Variants in AZIN1 observed in about 807,000 individuals in gnomAD.
AZIN1 encodes antizyme inhibitor 1, also known as ornithine decarboxylase antizyme inhibitor.
In AZIN1, 12 loss-of-function variants were observed where a neutral mutation model predicts 47.4. The ratio of observed to expected loss-of-function variants is 0.25; its 90% CI spans 0.16 to 0.41. AZIN1 has a LOEUF of 0.41. AZIN1 is among the 10% of genes least tolerant of loss of function. The pLI is 1.00. For missense variants in AZIN1, 410 were observed against 532.4 expected (o/e 0.77, Z 2.26); for synonymous variants, 155 against 176.3 (o/e 0.88, Z 0.96).
intron 11 of AZIN1, 31 bp from the exon 12 acceptor site, chr8:102,828,709 A>T: frequency 6.8e-7 from 1 of 1,466,384 alleles, no homozygotes. Context: ...CTAAATTCTC[A>T]GTTTAAGCCC....
chr8:102,851,321 G>A (rs1166163143), intron 2 of AZIN1, among the ~76,000 whole-genome samples: 1 of 152,198 alleles, frequency 6.6e-6, no homozygotes, highest in Non-Finnish European at 1.5e-5. Flanking sequence ...AGAGCTCATT[G>A]CCTGCCTGTC....
intron 2 of AZIN1, among the ~76,000 whole-genome samples, chr8:102,847,541 T>C (rs906192534): frequency 6.6e-6 from 1 of 151,230 alleles, no homozygotes. Flanking sequence ...TCCCTGGAAG[T>C]GTATTGAAAA....
intron 1 of AZIN1, among the ~76,000 whole-genome samples, chr8:102,860,879 G>C (rs1323907999): frequency 6.6e-6 from 1 of 152,192 alleles, no homozygotes; most frequent in Non-Finnish European, 1.5e-5. Flanking sequence ...GGGGAGGGGA[G>C]TATTCTACCA....
intron 1 of AZIN1, chr8:102,858,944 T>C (rs1278218656): frequency 1.7e-4 from 26 of 152,208 alleles, no homozygotes; most frequent in Non-Finnish European, 2.9e-5. Flanking sequence ...TATAATTCAG[T>C]GGTTACTGTT....
At chr8:102,840,964 TA>T (rs1378393705) in intron 3 of AZIN1, among the ~76,000 whole-genome samples, 2 of 140,612 alleles carry the variant, frequency 1.4e-5, no homozygotes, top group Non-Finnish European at 3.2e-5. Flanking sequence ...TGGGAAAAAA[TA>T]AGGTATTTAC....
At chr8:102,856,091 T>TGG (rs1336307101) in intron 2 of AZIN1, 2 of 143,214 alleles carry the variant, frequency 1.4e-5, no homozygotes, top group African/African-American at 5.7e-5. Flanking sequence ...CAAGTTTTTT[T>TGG]TGTTTTTTTT....
intron 1 of AZIN1, among the ~76,000 whole-genome samples, chr8:102,859,813 G>C (rs1303543706): frequency 1.3e-5 from 2 of 152,144 alleles, no homozygotes; most frequent in Non-Finnish European, 2.9e-5. Context: ...TCCAGCCCAG[G>C]CAACAGAGGG....
In AZIN1 at chr8:102,828,671, T is replaced by A. The variant is rs761387240; in HGVS notation, c.1243A>T (p.Met415Leu). The change falls in exon 12 of 12, where the codon ATG becomes TTG. Residue 415 changes from methionine (M) to leucine (L), a missense_variant. Met to Leu is a conservative substitution (Grantham distance 15, BLOSUM62 2). Coordinates refer to ENST00000337198, the MANE Select transcript of AZIN1 (RefSeq NM_148174.4). ...YMMSFSDWYE[M>L]QDAGITSDSM... ...TCTGAAGTAATTCCAGCATCTTGCA[T>A]CTCATACCTACGTAGAAAAAAAATC... 1 of 1,601,966 alleles carries A rather than the reference T, an allele frequency of 6.2e-7. No homozygotes were observed. Among genetic ancestry groups the A allele is most frequent in the South Asian group, 1.1e-5 (1 of 90,202 alleles).
At chr8:102,860,269 T>C (rs1158365391) in intron 1 of AZIN1, among the ~76,000 whole-genome samples, 6 of 152,208 alleles carry the variant, frequency 3.9e-5, no homozygotes, top group Admixed American at 3.9e-4. Flanking sequence ...ATTTATTTTA[T>C]TTTATTTTTT....
At chr8:102,849,050 C>G (rs751043972) in intron 2 of AZIN1, among the ~76,000 whole-genome samples, 1 of 152,110 alleles carries the variant, frequency 6.6e-6, no homozygotes, top group Non-Finnish European at 1.5e-5. Context: ...GTAATCCCAG[C>G]ACTCTGGGAG....
chr8:102,834,353 T>C, intron 7 of AZIN1, 90 bp from the exon 8 acceptor site: 1 of 1,009,954 alleles, frequency 9.9e-7, no homozygotes, highest in Admixed American at 2.2e-5. Flanking sequence ...GAGGTAAATA[T>C]CTGTTCTGAT....
intron 1 of AZIN1, among the ~76,000 whole-genome samples, chr8:102,862,832 G>T (rs1345148580): frequency 6.6e-6 from 1 of 152,172 alleles, no homozygotes; most frequent in Non-Finnish European, 1.5e-5. Context: ...CTGTGTCCCC[G>T]ACTGTTTCGG....
At chr8:102,848,323 C>CAAA (rs60663839) in intron 2 of AZIN1, among the ~76,000 whole-genome samples, 26 of 91,564 alleles carry the variant, frequency 2.8e-4, no homozygotes, top group South Asian at 1.2e-3. Context: ...ACTAAAAGGC[C>CAAA]AAAAAAAAAA....
intron 2 of AZIN1, among the ~76,000 whole-genome samples, chr8:102,856,931 C>T (rs570129460): frequency 2.6e-5 from 4 of 152,162 alleles, no homozygotes; most frequent in East Asian, 1.9e-4. Flanking sequence ...GCAATTCGTC[C>T]GAAGACTACA....
intron 3 of AZIN1, among the ~76,000 whole-genome samples, chr8:102,840,527 A>G (rs906225181): frequency 2.6e-5 from 4 of 152,216 alleles, no homozygotes; most frequent in African/African-American, 9.6e-5. Context: ...CATTTTTAAA[A>G]AGACAAGGTT....
At chr8:102,832,961 T>C in intron 9 of AZIN1, 95 bp downstream of exon 9, 1 of 1,181,792 alleles carries the variant, frequency 8.5e-7, no homozygotes, top group Non-Finnish European at 1.2e-6. Context: ...TTTTAAAAGC[T>C]GAAAACCACC....
chr8:102,847,363 A>C (rs201829428), intron 2 of AZIN1, among the ~76,000 whole-genome samples: 41 of 146,482 alleles, frequency 2.8e-4, no homozygotes, highest in African/African-American at 9.1e-4. Flanking sequence ...AAAAAAAAAA[A>C]AAAAAACAAT....
At chr8:102,852,274 A>G (rs1156802560) in intron 2 of AZIN1, among the ~76,000 whole-genome samples, 2 of 152,188 alleles carry the variant, frequency 1.3e-5, no homozygotes, top group Admixed American at 1.3e-4. Flanking sequence ...AGTAATCTGA[A>G]GTCAACATAA....
In AZIN1 at chr8:102,864,008, C is replaced by G. The variant is rs1159194675; in HGVS notation, c.-435G>C. 6.4e-6 allele frequency: 1 copy of G among 156,942 alleles called. No individual in the cohort carries two copies. The highest frequency in any genetic ancestry group is 1.4e-5 in the Non-Finnish European group (1 of 71,040). The allele number at this position is 156,942 out of a possible 1,614,324, so 9.7% of individuals were successfully genotyped here. On this transcript the variant is annotated 5_prime_UTR_variant, in exon 1 of 12. Transcript: ENST00000337198. Reference sequence around the variant, plus strand: ...GGCGGCCGAAGGAGAAATAGAACAGCGCAGGCAAAAGAAGAAAGGCGCGGG... The same window carrying G: ...GGCGGCCGAAGGAGAAATAGAACAGGGCAGGCAAAAGAAGAAAGGCGCGGG...
Sources: gnomAD v4.1 joint callset for allele counts (sites outside exome capture counted in the v4.1 genomes callset) on GRCh38, gnomAD v4.1.1 for gene constraint, MANE v1.5 for transcripts, NCBI Gene and HGNC (gene_info 2026-07-23, HGNC 2026-07-21) for gene names.